Variants in FBXW8 observed in about 807,000 individuals in gnomAD.
The protein encoded by FBXW8 is F-box and WD repeat domain containing 8.
FBXW8 carries 57 observed loss-of-function variants against 65.3 expected under a neutral mutation model. That is an observed-to-expected ratio of 0.87 (90% CI 0.71 to 1.09). The LOEUF is 1.09. Among genes scored for constraint, FBXW8 ranks in the 50% least tolerant of loss-of-function variants. The probability of loss-of-function intolerance (pLI) is 0.00; values close to 1 mark genes in which losing one functional copy is unlikely to be tolerated. For synonymous variants in FBXW8, 308 were observed against 330.2 expected (o/e 0.93, Z 0.73); for missense variants, 777 against 814.8 (o/e 0.95, Z 0.57).
Position 116,940,030 on chromosome 12 carries a change from G to A in FBXW8, c.424-5334G>A, listed in dbSNP as rs138499062. ...TCCAGCATTGCTGAGTCGTTATCCC[G>A]TTCTTTATTGCCTGACCACTTGTGA... On this transcript the variant is annotated intron_variant, in intron 2 of 10. Transcript: ENST00000652555. Among the ~76,000 whole-genome samples, 243 of 152,312 alleles carry A rather than the reference G, an allele frequency of 1.6e-3. 2 individuals are homozygous for A. Among genetic ancestry groups the A allele is most frequent in the African/African-American group, 5.5e-3 (229 of 41,570 alleles).
At chr12:116,996,449 C>G (rs1417629737) in intron 7 of FBXW8, among the ~76,000 whole-genome samples, 1 of 152,068 alleles carries the variant, frequency 6.6e-6, no homozygotes, top group African/African-American at 2.4e-5. Flanking sequence ...GCCACATTCT[C>G]CCATACCTCC....
intron 7 of FBXW8, among the ~76,000 whole-genome samples, chr12:117,008,308 C>T (rs1469171025): frequency 1.3e-5 from 2 of 152,104 alleles, no homozygotes; most frequent in African/African-American, 2.4e-5. Context: ...TGAGGTTGCT[C>T]TTTTTATTTT....
At chr12:116,981,904 A>G (rs545289075) in intron 5 of FBXW8, among the ~76,000 whole-genome samples, 5 of 152,150 alleles carry the variant, frequency 3.3e-5, no homozygotes, top group African/African-American at 7.2e-5. Flanking sequence ...ATGAGCCACC[A>G]CACCCAGCCT....
intron 5 of FBXW8, among the ~76,000 whole-genome samples, chr12:116,975,379 C>A (rs1331313745): frequency 6.6e-6 from 1 of 152,196 alleles, no homozygotes; most frequent in Non-Finnish European, 1.5e-5. Context: ...CCCTTCCTTC[C>A]AGGCAGTGCC....
chr12:116,989,614 T>A (rs1373791110), intron 7 of FBXW8, among the ~76,000 whole-genome samples: 1 of 152,236 alleles, frequency 6.6e-6, no homozygotes, highest in East Asian at 1.9e-4. Flanking sequence ...AGCATGTTAC[T>A]ATCCTGACTA....
chr12:117,013,003 T>TATCA (rs1953863710), intron 8 of FBXW8, among the ~76,000 whole-genome samples: 4 of 152,162 alleles, frequency 2.6e-5, no homozygotes, highest in Non-Finnish European at 2.9e-5. Flanking sequence ...GGATCTATCC[T>TATCA]ATCACTCAAG....
intron 4 of FBXW8, among the ~76,000 whole-genome samples, chr12:116,957,315 C>A (rs574528973): frequency 1.3e-5 from 2 of 152,266 alleles, no homozygotes; most frequent in South Asian, 2.1e-4. Flanking sequence ...CCACTGCACT[C>A]CAGCTTGGTG....
rs1402020472 is a variant in FBXW8 at position 117,028,373 on chromosome 12, T to TC, written c.*204dup. On this transcript the variant is annotated 3_prime_UTR_variant, in exon 11 of 11. Coordinates refer to ENST00000652555, the MANE Select transcript of FBXW8 (RefSeq NM_153348.3). This position sits in a 1 kb window ranked among gnomAD's most constrained non-coding sequence, Gnocchi z 4.1. Reference sequence around the variant, plus strand: ...AAGCTGGCGTGTGCCAGGGCTCGAGTCCCACGTGCTGCCAACTCAAACATA... The same window carrying TC: ...AAGCTGGCGTGTGCCAGGGCTCGAGTCCCCACGTGCTGCCAACTCAAACATA... 9.4e-6 allele frequency: 6 copies of TC among 641,522 alleles called. No homozygotes were observed. The highest frequency in any genetic ancestry group is 1.3e-5 in the Non-Finnish European group (5 of 380,448). 39.7% of individuals were successfully genotyped at this position (641,522 alleles called of 1,614,324 possible).
At chr12:116,933,214 G>A (rs995305336) in intron 2 of FBXW8, among the ~76,000 whole-genome samples, 7 of 152,230 alleles carry the variant, frequency 4.6e-5, no homozygotes, top group Non-Finnish European at 7.3e-5. Context: ...GCCTGATGCT[G>A]TTAGCCGAAG....
intron 3 of FBXW8, chr12:116,949,281 C>T: frequency 1.2e-5 from 3 of 254,984 alleles, no homozygotes; most frequent in South Asian, 8.6e-5. Flanking sequence ...AGATACTTGC[C>T]ACTCCCAGCA....
In FBXW8 at chr12:117,027,515, G is replaced by A. The variant is rs1163930250; in HGVS notation, c.1652+11G>A. On this transcript the variant is annotated intron_variant, in intron 10 of 10. Transcript: ENST00000652555. ...CACTACTCACAGGAGGTTAGTGGTG[G>A]GGCCGGGCGAGTAAGAGACCATCTT... 6.2e-7 allele frequency: 1 copy of A among 1,606,044 alleles called. No homozygotes were observed. Among genetic ancestry groups the A allele is most frequent in the African/African-American group, 1.3e-5 (1 of 74,884 alleles).
At chr12:116,992,366 C>T (rs936639991) in intron 7 of FBXW8, among the ~76,000 whole-genome samples, 1 of 150,480 alleles carries the variant, frequency 6.6e-6, no homozygotes, top group Non-Finnish European at 1.5e-5. Context: ...CACGTAAAGT[C>T]ATAGAAAAAA....
intron 4 of FBXW8, among the ~76,000 whole-genome samples, chr12:116,962,395 G>C (rs954257614): frequency 9.9e-5 from 15 of 152,218 alleles, no homozygotes; most frequent in Middle Eastern, 6.8e-3. Flanking sequence ...TTTTGGCTCC[G>C]AACTCTTTGT....
intron 3 of FBXW8, among the ~76,000 whole-genome samples, chr12:116,947,230 G>C (rs10850734): frequency 0.53 from 81,062 of 152,042 alleles, 26,322 homozygotes; most frequent in Admixed American, 0.7. Context: ...AGGAAGTCAT[G>C]TGTTAGGTAA....
At chr12:117,022,918 T>TAATAATAAGAC (rs1954135254) in intron 8 of FBXW8, among the ~76,000 whole-genome samples, 1 of 152,180 alleles carries the variant, frequency 6.6e-6, no homozygotes, top group African/African-American at 2.4e-5. Context: ...AATAGGAAGG[T>TAATAATAAGAC]TTGTCCTGTG....
Position 116,919,960 on chromosome 12 carries a change from T to C in FBXW8, c.319-8063T>C, listed in dbSNP as rs117579296. Among the ~76,000 whole-genome samples the C allele has an allele frequency of 2.4e-3, 360 of 152,332 alleles. 1 individual carries two copies. Among genetic ancestry groups the C allele is most frequent in the Non-Finnish European group, 3.8e-3 (258 of 68,014 alleles). ...TTAAGTTAAACACAAATAAGTAAGC[T>C]CCCTAATGTGAACACTTTTCTTCTG... is the stretch of plus-strand genomic sequence containing the variant. On this transcript the variant is annotated intron_variant, in intron 1 of 10. Coordinates refer to ENST00000652555, the MANE Select transcript of FBXW8 (RefSeq NM_153348.3).
At chr12:116,999,864 C>T (rs1282986157) in intron 7 of FBXW8, among the ~76,000 whole-genome samples, 1 of 152,244 alleles carries the variant, frequency 6.6e-6, no homozygotes, top group Non-Finnish European at 1.5e-5. Flanking sequence ...TCCTGTCTTG[C>T]CATGTCCTTT....
intron 1 of FBXW8, among the ~76,000 whole-genome samples, chr12:116,923,302 A>G (rs1881052695): frequency 6.6e-6 from 1 of 151,642 alleles, no homozygotes; most frequent in South Asian, 2.1e-4. Flanking sequence ...TCCACAGGTG[A>G]TTTTAATGTG....
chr12:116,945,283 A>G, intron 2 of FBXW8, 81 bp from the exon 3 acceptor site: 1 of 1,398,828 alleles, frequency 7.1e-7, no homozygotes, highest in Non-Finnish European at 9.9e-7. Flanking sequence ...GGGCAATAAT[A>G]TAGGTGTTGA....
Sources: allele counts gnomAD v4.1 joint callset (sites outside exome capture counted in the v4.1 genomes callset), GRCh38; gene constraint gnomAD v4.1.1; non-coding constraint Gnocchi (gnomAD v3.1); transcripts MANE v1.5; gene names NCBI Gene and HGNC (gene_info 2026-07-23, HGNC 2026-07-21).